The following FRYL variants were observed in gnomAD, a reference collection of about 807,000 sequenced individuals.
FRYL encodes FRY like transcription coactivator.
A neutral mutation model predicts 351.2 loss-of-function variants in FRYL; 150 were observed. The observed-to-expected ratio is 0.43, with a 90% CI of 0.37 to 0.49. The LOEUF is 0.49. Ranked by LOEUF, FRYL falls within the 20% of genes least tolerant of loss-of-function variation. The pLI is 0.00. For synonymous variants in FRYL, 1,153 were observed against 1,257.1 expected (o/e 0.92, Z 1.75); for missense variants, 3,036 against 3,619.3 (o/e 0.84, Z 4.13).
At chr4:48,601,836 C>A (rs998310439) in intron 13 of FRYL, among the ~76,000 whole-genome samples, 184 bp downstream of exon 13, 1 of 152,080 alleles carries the variant, frequency 6.6e-6, no homozygotes, top group African/African-American at 2.4e-5. Flanking sequence ...CAAAAGTTTA[C>A]TCATATCTAT....
intron 36 of FRYL, among the ~76,000 whole-genome samples, chr4:48,552,735 G>A (rs1040610192): frequency 1.3e-5 from 2 of 152,004 alleles, no homozygotes; most frequent in African/African-American, 4.8e-5. Flanking sequence ...AAAGGACTAG[G>A]TGATGAAAAT....
At chr4:48,650,574 C>T (rs1320518396) in intron 3 of FRYL, among the ~76,000 whole-genome samples, 1 of 152,112 alleles carries the variant, frequency 6.6e-6, no homozygotes. Context: ...TGAGAGGGTA[C>T]ATTTCAGGCA....
intron 16 of FRYL, among the ~76,000 whole-genome samples, chr4:48,592,085 T>TATATATAC (rs1743444524): frequency 1.3e-4 from 2 of 15,640 alleles, no homozygotes; most frequent in Admixed American, 1.6e-3. Flanking sequence ...AAAGCTCTTA[T>TATATATAC]ATATATATAT....
At chr4:48,690,547 C>A (rs546046534) in intron 2 of FRYL, among the ~76,000 whole-genome samples, 5 of 152,102 alleles carry the variant, frequency 3.3e-5, no homozygotes, top group African/African-American at 9.7e-5. Context: ...GATACGCCCA[C>A]GAGAAACACA....
chr4:48,770,471 CTT>C (rs1483800250), intron 1 of FRYL, among the ~76,000 whole-genome samples: 1 of 151,596 alleles, frequency 6.6e-6, no homozygotes, highest in Non-Finnish European at 1.5e-5. Context: ...GAGTTTCGCT[CTT>C]GTTGCCCAGT....
chr4:48,566,653 A>C (rs1350418923), intron 28 of FRYL, among the ~76,000 whole-genome samples: 1 of 152,242 alleles, frequency 6.6e-6, no homozygotes, highest in African/African-American at 2.4e-5. Context: ...CAAAATAACA[A>C]TGTGACTTTA....
intron 1 of FRYL, among the ~76,000 whole-genome samples, chr4:48,776,861 A>C (rs1436955457): frequency 6.6e-6 from 1 of 152,228 alleles, no homozygotes; most frequent in Non-Finnish European, 1.5e-5. Flanking sequence ...TATTTTCTAA[A>C]ATCTGCTAAA....
Position 48,534,650 on chromosome 4 carries a change from T to C in FRYL, c.6600A>G (p.Ser2200=). 6.3e-7 allele frequency: 1 copy of C among 1,584,702 alleles called. No homozygotes were observed. The highest frequency in any genetic ancestry group is 8.7e-7 in the Non-Finnish European group (1 of 1,153,756). Reference sequence around the variant, plus strand: ...ATAGACTATAAATAATCTGTAGTAATGATTGCTGCATACTGGACAATCCTT... The same window carrying C: ...ATAGACTATAAATAATCTGTAGTAACGATTGCTGCATACTGGACAATCCTT... ...LEKGLSSMQQ[S]LLQIIYSLLS... Residue 2200 remains serine (S), a synonymous_variant, in exon 49 of 64, where the codon TCA becomes TCG. Transcript: ENST00000358350.
intron 25 of FRYL, 28 bp from the exon 26 acceptor site, chr4:48,573,271 T>C (rs1219828605): frequency 7.1e-7 from 1 of 1,403,942 alleles, no homozygotes; most frequent in South Asian, 1.2e-5. Flanking sequence ...CATATTCTAT[T>C]AATAGCTACA....
rs1453161991 is a variant in FRYL at position 48,563,555 on chromosome 4, TA to T, written c.3596+392del. On this transcript the variant is annotated intron_variant, in intron 31 of 63. Coordinates refer to ENST00000358350, the MANE Select transcript of FRYL (RefSeq NM_015030.2). ...TGAGACCTCGTCGCTACAAAGAATT[TA>T]AAAATTAGCCAGGCATGGTAGTGGG... Among the ~76,000 whole-genome samples the T allele has an allele frequency of 2.6e-5, 4 of 151,808 alleles. No individual in the cohort carries two copies. In the East Asian group the frequency reaches 7.8e-4, roughly 30 times the overall value.
At chr4:48,774,650 A>C (rs1362596644) in intron 1 of FRYL, among the ~76,000 whole-genome samples, 1 of 151,226 alleles carries the variant, frequency 6.6e-6, no homozygotes, top group African/African-American at 2.4e-5. Flanking sequence ...GGTTCAAGCG[A>C]TTCTCTTGCC....
intron 41 of FRYL, 73 bp downstream of exon 41, chr4:48,547,511 A>G (rs1247491828): frequency 1.5e-5 from 12 of 794,400 alleles, no homozygotes; most frequent in Non-Finnish European, 2.2e-5. Flanking sequence ...TATTCAGTTG[A>G]CTTTCTCTAA....
rs4695391 is a variant in FRYL at position 48,580,892 on chromosome 4, G to A, written c.2232C>T (p.Ser744=). The part of the protein sequence containing the change: ...MDRLSPSILE[S]FIHLTGADQT... The stretch of plus-strand genomic sequence containing the variant: ...GATCAGCCCCAGTGAGATGTATGAA[G>A]CTCTCAAGAATGGATGGGCTTAGCC... Residue 744 remains serine (S), a synonymous_variant, in exon 22 of 64, where the codon AGC becomes AGT. Coordinates refer to ENST00000358350, the MANE Select transcript of FRYL (RefSeq NM_015030.2). 0.46 allele frequency: 738,083 copies of A among 1,604,194 alleles called. 175,491 individuals are homozygous for A. Among genetic ancestry groups the A allele is most frequent in the Admixed American group, 0.6 (35,403 of 59,028 alleles).
intron 3 of FRYL, among the ~76,000 whole-genome samples, chr4:48,675,434 A>G (rs1409957279): frequency 6.6e-6 from 1 of 152,128 alleles, no homozygotes; most frequent in African/African-American, 2.4e-5. Flanking sequence ...CGGCACTCGG[A>G]GCAGACGGCC....
At chr4:48,631,994 A>G (rs1430520421) in intron 4 of FRYL, among the ~76,000 whole-genome samples, 2 of 134,768 alleles carry the variant, frequency 1.5e-5, no homozygotes, top group Admixed American at 7.7e-5. Context: ...TGAAGGTTGC[A>G]GTGAGCCAAA....
Position 48,564,120 on chromosome 4 carries a change from A to C in FRYL, c.3442-18T>G. 1 of 1,612,178 alleles carries C rather than the reference A, an allele frequency of 6.2e-7. No individual in the cohort carries two copies. Among genetic ancestry groups the C allele is most frequent in the Non-Finnish European group, 8.5e-7 (1 of 1,179,420 alleles). ...TGGTGAACCTAGGTAAAGGTTGTGAAATTGCCCGAGAGAGAACGTTATATA... is the reference window on the plus strand; with the variant it reads ...TGGTGAACCTAGGTAAAGGTTGTGACATTGCCCGAGAGAGAACGTTATATA... On this transcript the variant is annotated intron_variant, in intron 30 of 63. Transcript: ENST00000358350.
intron 1 of FRYL, among the ~76,000 whole-genome samples, chr4:48,720,118 C>T (rs1769302777): frequency 6.7e-6 from 1 of 148,612 alleles, no homozygotes; most frequent in Admixed American, 6.8e-5. Flanking sequence ...CCACTGCACT[C>T]CAGCCTGGTG....
At chr4:48,595,779 T>G in intron 14 of FRYL, 81 bp from the exon 15 acceptor site, 1 of 1,100,244 alleles carries the variant, frequency 9.1e-7, no homozygotes, top group East Asian at 2.5e-5. Context: ...TTCTTCATAA[T>G]ATATTGACAG....
intron 53 of FRYL, among the ~76,000 whole-genome samples, chr4:48,524,556 T>G (rs1167252096): frequency 1.3e-5 from 2 of 152,178 alleles, no homozygotes; most frequent in African/African-American, 4.8e-5. Context: ...ATCAAAGTAT[T>G]TCCTATTACC....
Sources: gnomAD v4.1 joint callset for allele counts (sites outside exome capture counted in the v4.1 genomes callset) on GRCh38, gnomAD v4.1.1 for gene constraint, MANE v1.5 for transcripts, NCBI Gene and HGNC (gene_info 2026-07-23, HGNC 2026-07-21) for gene names.